Variants in FMNL2 observed in about 807,000 individuals in gnomAD.
The protein encoded by FMNL2 is formin like 2.
Under a neutral mutation model 130.2 loss-of-function variants are expected in FMNL2, and 51 were observed. The observed-to-expected ratio is 0.39, with a 90% CI of 0.31 to 0.49. FMNL2 has a LOEUF of 0.49. FMNL2 is among the 20% of genes least tolerant of loss of function. FMNL2 has a pLI of 0.85. For synonymous variants in FMNL2, 465 were observed against 467.1 expected, an observed-to-expected ratio of 1.00 and a Z score of 0.06; for missense variants, 977 against 1,316.2, an observed-to-expected ratio of 0.74 and a Z score of 3.99.
At chr2:152,477,687 C>G (rs1442352219) in intron 1 of FMNL2, among the ~76,000 whole-genome samples, 1 of 151,980 alleles carries the variant, frequency 6.6e-6, no homozygotes, top group African/African-American at 2.4e-5. Flanking sequence ...TTTACACTGG[C>G]AAATTAGAAC....
chr2:152,578,279 C>G (rs1213652357), intron 7 of FMNL2, among the ~76,000 whole-genome samples: 1 of 152,210 alleles, frequency 6.6e-6, no homozygotes, highest in South Asian at 2.1e-4. Context: ...GTACTGATCC[C>G]TGGTGTAGTC....
At chr2:152,595,018 C>A (rs1173424909) in intron 9 of FMNL2, among the ~76,000 whole-genome samples, 1 of 152,108 alleles carries the variant, frequency 6.6e-6, no homozygotes, top group East Asian at 1.9e-4. Flanking sequence ...AATGGCCAGT[C>A]ATGGTAACAT....
chr2:152,613,727 T>C (rs1470687045), intron 11 of FMNL2, among the ~76,000 whole-genome samples: 3 of 152,230 alleles, frequency 2.0e-5, no homozygotes, highest in Non-Finnish European at 2.9e-5. Flanking sequence ...TTCACTAGTT[T>C]ACAAAAACCC....
At position 152,335,393 on chromosome 2, in the gene FMNL2, G is replaced by T. The variant is rs1041481538; in HGVS notation, c.-211G>T. ...GAAAAGAGGCCGGGGCCGCGCTGGG[G>T]CGGCGGAGAGCATGAGGGAGGCCGG... On this transcript the variant is annotated 5_prime_UTR_variant, in exon 1 of 26. Coordinates refer to ENST00000288670, the MANE Select transcript of FMNL2 (RefSeq NM_052905.4). 1.1e-5 allele frequency: 3 copies of T among 283,722 alleles called. No individual in the cohort carries two copies. Among genetic ancestry groups the T allele is most frequent in the Non-Finnish European group, 1.9e-5 (3 of 155,408 alleles). 17.6% of individuals were successfully genotyped at this position (283,722 alleles called of 1,614,324 possible).
intron 1 of FMNL2, among the ~76,000 whole-genome samples, chr2:152,349,912 C>T (rs939168560): frequency 2.6e-4 from 39 of 151,190 alleles, no homozygotes; most frequent in African/African-American, 8.5e-4. Flanking sequence ...ATTTCTTGAG[C>T]GTTTACTGTG....
chr2:152,335,720 G>C lies in FMNL2; in HGVS notation c.117G>C (p.Leu39=), dbSNP rs1273985126. 6.4e-7 allele frequency: 1 copy of C among 1,569,252 alleles called. No homozygotes were observed. The highest frequency in any genetic ancestry group is 1.8e-5 in the Admixed American group (1 of 54,812). Residue 39 remains leucine (L), a splice_region_variant and synonymous_variant, in exon 1 of 26, where the codon CTG becomes CTC. Transcript: ENST00000288670. The part of the protein sequence containing the change: ...GELEERFAIV[L]NAMNLPPDKA... ...TGGAGGAGCGATTTGCCATCGTGCTGGTAAGTGCGCGGCGGCGGTCGGGCG... is the reference window on the plus strand; with the variant it reads ...TGGAGGAGCGATTTGCCATCGTGCTCGTAAGTGCGCGGCGGCGGTCGGGCG...
At chr2:152,504,673 C>T (rs1043950579) in intron 1 of FMNL2, among the ~76,000 whole-genome samples, 1 of 152,126 alleles carries the variant, frequency 6.6e-6, no homozygotes, top group African/African-American at 2.4e-5. Context: ...TGAATGTAAG[C>T]TTCTATCTCT....
At chr2:152,443,330 C>A (rs968431038) in intron 1 of FMNL2, among the ~76,000 whole-genome samples, 2 of 152,058 alleles carry the variant, frequency 1.3e-5, no homozygotes, top group Non-Finnish European at 2.9e-5. Flanking sequence ...GAGGCTTCTA[C>A]CACTTTGGGA....
chr2:152,555,797 A>G (rs1695173271), intron 4 of FMNL2, among the ~76,000 whole-genome samples: 1 of 152,196 alleles, frequency 6.6e-6, no homozygotes, highest in Non-Finnish European at 1.5e-5. Context: ...ACTTTCCAAA[A>G]CCTATAATCA....
At chr2:152,344,231 TG>T (rs1274162587) in intron 1 of FMNL2, among the ~76,000 whole-genome samples, 1 of 152,204 alleles carries the variant, frequency 6.6e-6, no homozygotes, top group Admixed American at 6.5e-5. Flanking sequence ...TTGTCTGGAA[TG>T]TGACCTGGGC....
Position 152,549,042 on chromosome 2 carries a change from G to C in FMNL2, c.304G>C (p.Glu102Gln). Residue 102 changes from glutamate (E) to glutamine (Q), a missense_variant, in exon 4 of 26, where the codon GAA (glutamate) becomes CAA (glutamine). Physicochemically the swap from Glu to Gln is conservative, Grantham distance 29 (BLOSUM62 2). Transcript: ENST00000288670. ...TRKKFRRRVQESTQVLRELEI... is the reference protein window; with the variant it reads ...TRKKFRRRVQQSTQVLRELEI... Reference sequence around the variant, plus strand: ...ATAGAAATTCAGACGGCGTGTTCAAGAATCTACACAAGTGCTAAGAGAACT... The same window carrying C: ...ATAGAAATTCAGACGGCGTGTTCAACAATCTACACAAGTGCTAAGAGAACT... 1 of 1,599,238 alleles carries C rather than the reference G, an allele frequency of 6.3e-7. No individual in the cohort carries two copies. Among genetic ancestry groups the C allele is most frequent in the Non-Finnish European group, 8.5e-7 (1 of 1,173,332 alleles).
At chr2:152,477,907 G>A (rs34300140) in intron 1 of FMNL2, among the ~76,000 whole-genome samples, 6,558 of 151,884 alleles carry the variant, frequency 0.043, 476 homozygotes, top group African/African-American at 0.15. Flanking sequence ...ATGCCCCAGC[G>A]TTGCTTCATA....
intron 1 of FMNL2, among the ~76,000 whole-genome samples, chr2:152,438,741 T>C (rs76206843): frequency 0.072 from 10,988 of 152,150 alleles, 639 homozygotes; most frequent in Admixed American, 0.21. Context: ...CAACATATTC[T>C]CTGAGTAAAC....
intron 1 of FMNL2, among the ~76,000 whole-genome samples, chr2:152,427,444 G>A (rs1266966229): frequency 1.3e-5 from 2 of 152,198 alleles, no homozygotes; most frequent in African/African-American, 2.4e-5. Context: ...CTACTCGAGA[G>A]GCTGAGGCAG....
At chr2:152,442,048 T>G (rs1408124867) in intron 1 of FMNL2, among the ~76,000 whole-genome samples, 1 of 151,628 alleles carries the variant, frequency 6.6e-6, no homozygotes, top group African/African-American at 2.4e-5. Context: ...GTTGGAGAGT[T>G]TTTGGTTGGT....
At chr2:152,396,459 C>T (rs1685398971) in intron 1 of FMNL2, among the ~76,000 whole-genome samples, 1 of 152,108 alleles carries the variant, frequency 6.6e-6, no homozygotes, top group Admixed American at 6.5e-5. Flanking sequence ...GAATGAAATC[C>T]AAGGCTGCTG....
chr2:152,497,403 G>A (rs1691574266), intron 1 of FMNL2, among the ~76,000 whole-genome samples: 1 of 151,982 alleles, frequency 6.6e-6, no homozygotes, highest in Middle Eastern at 3.2e-3. Flanking sequence ...TTGTTCATTT[G>A]TAATACATTA....
Position 152,335,413 on chromosome 2 carries a change from G to A in FMNL2, c.-191G>A, listed in dbSNP as rs1261667093. 6.4e-6 allele frequency: 2 copies of A among 312,346 alleles called. No individual in the cohort carries two copies. The highest frequency in any genetic ancestry group is 1.1e-5 in the Non-Finnish European group (2 of 174,848). 19.3% of individuals were successfully genotyped at this position (312,346 alleles called of 1,614,324 possible). A position where few individuals can be genotyped will look rare whatever the true frequency, so the allele number is the denominator to read the frequency against. ...CTGGGGCGGCGGAGAGCATGAGGGA[G>A]GCCGGGGGGCGGCTCGGCTTGGAGC... On this transcript the variant is annotated 5_prime_UTR_variant, in exon 1 of 26. Transcript: ENST00000288670.
At chr2:152,522,968 G>A (rs1693175934) in intron 2 of FMNL2, among the ~76,000 whole-genome samples, 1 of 152,078 alleles carries the variant, frequency 6.6e-6, no homozygotes, top group East Asian at 1.9e-4. Flanking sequence ...TGACTGTGGG[G>A]TGGTGTTGAT....
Sources: allele counts gnomAD v4.1 joint callset (sites outside exome capture counted in the v4.1 genomes callset), GRCh38; gene constraint gnomAD v4.1.1; transcripts MANE v1.5; gene names NCBI Gene and HGNC (gene_info 2026-07-23, HGNC 2026-07-21).